SULT1B1: variants seen among roughly 807,000 people sequenced by gnomAD.
The protein encoded by SULT1B1 is sulfotransferase family 1B member 1.
A neutral mutation model predicts 34.6 loss-of-function variants in SULT1B1; 28 were observed. The observed-to-expected ratio is 0.81, with a 90% CI of 0.60 to 1.11. The LOEUF is 1.11. Among genes scored for constraint, SULT1B1 ranks in the 50% least tolerant of loss-of-function variants. The pLI is 0.00. For synonymous variants in SULT1B1, 147 were observed against 110.2 expected, an observed-to-expected ratio of 1.33 and a Z score of -2.09; for missense variants, 374 against 352.2, an observed-to-expected ratio of 1.06 and a Z score of -0.50.
At chr4:69,729,803 A>G (rs1717994119) in intron 7 of SULT1B1, among the ~76,000 whole-genome samples, 1 of 152,162 alleles carries the variant, frequency 6.6e-6, no homozygotes, top group South Asian at 2.1e-4. Flanking sequence ...AGATCGTGGC[A>G]TTATTAAGTG....
chr4:69,743,555 C>T (rs1055895918), intron 4 of SULT1B1, among the ~76,000 whole-genome samples: 1 of 152,192 alleles, frequency 6.6e-6, no homozygotes, highest in African/African-American at 2.4e-5. Flanking sequence ...GACCCACCCC[C>T]TTCTGCCCAG....
intron 6 of SULT1B1, among the ~76,000 whole-genome samples, chr4:69,731,437 C>T (rs1176207546): frequency 1.3e-5 from 2 of 152,130 alleles, no homozygotes; most frequent in East Asian, 3.9e-4. Context: ...GTCCCTGGTG[C>T]CAAAAATGCT....
Position 69,757,210 on chromosome 4 carries a change from T to C in SULT1B1, c.-44-1949A>G, listed in dbSNP as rs141075613. On this transcript the variant is annotated intron_variant, in intron 1 of 7. Transcript: ENST00000310613. ...TTTATAGATTCCTTCATAATCGATG[T>C]TCCATTTATTTCTTAAGATCTGTTA... 1.7e-3 allele frequency among the ~76,000 whole-genome samples: 261 copies of C among 152,306 alleles called. 3 individuals carry two copies. The highest frequency in any genetic ancestry group is 6.0e-3 in the African/African-American group (248 of 41,582).
intron 4 of SULT1B1, among the ~76,000 whole-genome samples, chr4:69,738,085 C>G (rs984536995): frequency 6.6e-6 from 1 of 152,108 alleles, no homozygotes; most frequent in Non-Finnish European, 1.5e-5. Flanking sequence ...CAAGGTTTAC[C>G]TTCCATGCAT....
chr4:69,733,778 A>C (rs1298795915), intron 5 of SULT1B1, among the ~76,000 whole-genome samples: 1 of 152,186 alleles, frequency 6.6e-6, no homozygotes, highest in African/African-American at 2.4e-5. Context: ...CTATTATCTT[A>C]CAAAGTACTC....
In SULT1B1 at chr4:69,723,622, C is replaced by T. The variant is rs936245595; in HGVS notation, c.*3466G>A. The T allele has an allele frequency of 1.3e-5, 2 of 152,082 alleles. No homozygotes were observed. Among genetic ancestry groups the T allele is most frequent in the Non-Finnish European group, 2.9e-5 (2 of 68,042 alleles). The allele number at this position is 152,082 out of a possible 1,614,324, so 9.4% of individuals were successfully genotyped here. ...CCTGATGAACATTGATGCAAAAATC[C>T]TCAATAAAATACTGGCAAACCGAAT... On this transcript the variant is annotated 3_prime_UTR_variant, in exon 8 of 8. Coordinates refer to ENST00000310613, the MANE Select transcript of SULT1B1 (RefSeq NM_014465.4).
rs190589723 is a variant in SULT1B1 at position 69,734,494 on chromosome 4, A to T, written c.376-230T>A. 8.7e-4 allele frequency among the ~76,000 whole-genome samples: 132 copies of T among 152,318 alleles called. 1 individual carries two copies. The highest frequency in any genetic ancestry group is 3.1e-3 in the African/African-American group (127 of 41,572). On this transcript the variant is annotated intron_variant, in intron 4 of 7. Coordinates refer to ENST00000310613, the MANE Select transcript of SULT1B1 (RefSeq NM_014465.4). ...TCGAGCTATAGACGTTTTGAAAAAA[A>T]GATTTCAGTTTCTGGCCACTTGACA...
intron 2 of SULT1B1, 104 bp downstream of exon 2, chr4:69,754,966 T>C (rs1719131823): frequency 7.8e-7 from 1 of 1,274,390 alleles, no homozygotes; most frequent in South Asian, 1.4e-5. Context: ...CTGCACAAAA[T>C]GAATATTAAC....
intron 3 of SULT1B1, among the ~76,000 whole-genome samples, chr4:69,750,225 G>A (rs533040926): frequency 6.6e-6 from 1 of 152,130 alleles, no homozygotes; most frequent in Non-Finnish European, 1.5e-5. Flanking sequence ...TAACTAGTAA[G>A]TCTAAAACTG....
At chr4:69,759,219 G>C (rs72648452) in intron 1 of SULT1B1, among the ~76,000 whole-genome samples, 1 of 152,134 alleles carries the variant, frequency 6.6e-6, no homozygotes, top group Non-Finnish European at 1.5e-5. Flanking sequence ...TCTTCAGAGC[G>C]TCTGCTCAAA....
intron 4 of SULT1B1, among the ~76,000 whole-genome samples, chr4:69,739,848 G>A (rs1718472761): frequency 6.6e-6 from 1 of 152,172 alleles, no homozygotes; most frequent in African/African-American, 2.4e-5. Context: ...ATCTAGGGCA[G>A]AGGCAAAATG....
At chr4:69,740,385 G>A (rs1267264180) in intron 4 of SULT1B1, among the ~76,000 whole-genome samples, 1 of 152,176 alleles carries the variant, frequency 6.6e-6, no homozygotes, top group Non-Finnish European at 1.5e-5. Context: ...GCAGGACAGA[G>A]GGAGTTTTAG....
chr4:69,729,887 A>G (rs1717999141), intron 7 of SULT1B1, among the ~76,000 whole-genome samples: 1 of 152,158 alleles, frequency 6.6e-6, no homozygotes, highest in South Asian at 2.1e-4. Flanking sequence ...TTTGACATAT[A>G]TTATGTGTAA....
In SULT1B1 at chr4:69,754,770, G is replaced by A. The variant is rs370533617; in HGVS notation, c.177C>T (p.Asp59=). 2.5e-6 allele frequency: 4 copies of A among 1,612,300 alleles called. No individual in the cohort carries two copies. Among genetic ancestry groups the A allele is most frequent in the African/African-American group, 1.3e-5 (1 of 74,840 alleles). The change falls in exon 3 of 8, where the codon GAC becomes GAT. Residue 59 remains aspartate (D), a synonymous_variant. Transcript: ENST00000310613. ...SGTTWVSEII[D]MILNDGDIEK... is the part of the protein sequence containing the mutation. Reference sequence around the variant, plus strand: ...CAATATCTCCATCATTTAGAATCATGTCTATAATTTCACTAACCCAAGTAG... The same window carrying A: ...CAATATCTCCATCATTTAGAATCATATCTATAATTTCACTAACCCAAGTAG...
intron 4 of SULT1B1, among the ~76,000 whole-genome samples, chr4:69,743,324 A>G (rs543556913): frequency 6.6e-6 from 1 of 152,180 alleles, no homozygotes; most frequent in African/African-American, 2.4e-5. Context: ...CCCTGGAGTG[A>G]GTAGCTTCTC....
chr4:69,758,459 C>T, intron 1 of SULT1B1: 1 of 985,246 alleles, frequency 1.0e-6, no homozygotes, highest in Non-Finnish European at 1.2e-6. Context: ...ATTTTATTAA[C>T]TTCTTAGCAA....
intron 6 of SULT1B1, among the ~76,000 whole-genome samples, chr4:69,732,325 C>T (rs1287762685): frequency 2.0e-5 from 3 of 152,046 alleles, no homozygotes; most frequent in Admixed American, 2.0e-4. Context: ...TACGAGAAAC[C>T]CCTGGGAGTT....
intron 4 of SULT1B1, among the ~76,000 whole-genome samples, chr4:69,742,249 T>C (rs1031825672): frequency 5.3e-5 from 8 of 152,226 alleles, no homozygotes; most frequent in African/African-American, 1.9e-4. Context: ...AGATTTTTGA[T>C]GTACTCCTGG....
At chr4:69,748,657 T>C (rs1402784640) in intron 4 of SULT1B1, among the ~76,000 whole-genome samples, 9 of 152,174 alleles carry the variant, frequency 5.9e-5, no homozygotes, top group Non-Finnish European at 8.8e-5. Flanking sequence ...TTATGTAGAG[T>C]ATGATCTTTG....
Sources: gnomAD v4.1 joint callset for allele counts (sites outside exome capture counted in the v4.1 genomes callset) on GRCh38, gnomAD v4.1.1 for gene constraint, MANE v1.5 for transcripts, NCBI Gene and HGNC (gene_info 2026-07-23, HGNC 2026-07-21) for gene names.